The following AGL variants were observed in gnomAD, a reference collection of about 807,000 sequenced individuals.
The protein encoded by AGL is glycogen debranching enzyme.
Under a neutral mutation model 199.3 loss-of-function variants are expected in AGL, and 128 were observed. The observed-to-expected ratio is 0.64, with a 90% CI of 0.56 to 0.74. The LOEUF is 0.74. AGL is among the 30% of genes least tolerant of loss of function. The pLI is 0.00. For missense variants in AGL, 1,809 were observed against 1,820.8 expected, an observed-to-expected ratio of 0.99 and a Z score of 0.12; for synonymous variants, 584 against 594.7, an observed-to-expected ratio of 0.98 and a Z score of 0.26.
intron 2 of AGL, among the ~76,000 whole-genome samples, chr1:99,857,155 G>GC (rs1649564518): frequency 6.6e-6 from 1 of 151,152 alleles, no homozygotes; most frequent in Non-Finnish European, 1.5e-5. Flanking sequence ...GGGCAGAGGC[G>GC]CCCCTCACCT....
chr1:99,861,685 G>T lies in AGL; in HGVS notation c.265G>T (p.Gly89Cys), dbSNP rs778448781. ...CTGTAAACTTAATCTGCAACAATCT[G>T]GTTCATTTCAGTATTATTTCCTTCA... ...KYCKLNLQQS[G>C]SFQYYFLQGN... Residue 89 changes from glycine to cysteine, a missense_variant, in exon 3 of 34, where the codon GGT (glycine) becomes TGT (cysteine). Coordinates refer to ENST00000361915, the MANE Select transcript of AGL (RefSeq NM_000642.3). The T allele has an allele frequency of 2.5e-6, 4 of 1,613,540 alleles. No individual in the cohort carries two copies. In the South Asian group the frequency reaches 3.3e-5, roughly 13 times the overall value.
chr1:99,882,959 A>G (rs747764233), intron 17 of AGL, among the ~76,000 whole-genome samples: 1 of 152,170 alleles, frequency 6.6e-6, no homozygotes, highest in Non-Finnish European at 1.5e-5. Flanking sequence ...CTTTGCTAAT[A>G]TACGTATTCA....
At chr1:99,850,785 A>G (rs933996683) in intron 1 of AGL, 190 bp from the exon 2 acceptor site, 1 of 482,328 alleles carries the variant, frequency 2.1e-6, no homozygotes, top group African/African-American at 1.9e-5. Context: ...TTTCGGTCTT[A>G]TTCGTTGTGC....
Position 99,876,602 on chromosome 1 carries a change from G to A in AGL, c.1423+5G>A, listed in dbSNP as rs780713150. 6 of 1,613,830 alleles carry A rather than the reference G, an allele frequency of 3.7e-6. No individual in the cohort carries two copies. The highest frequency in any genetic ancestry group is 1.3e-5 in the African/African-American group (1 of 74,906). On this transcript the variant is annotated splice_donor_5th_base_variant and intron_variant, in intron 11 of 33. Transcript: ENST00000361915. ...TTCGAAACTTTGCTGAACCGGGTATGTAATTTTTAACTTCTCTGTGGATGG... is the reference window on the plus strand; with the variant it reads ...TTCGAAACTTTGCTGAACCGGGTATATAATTTTTAACTTCTCTGTGGATGG...
intron 33 of AGL, 105 bp from the exon 34 acceptor site, chr1:99,921,429 C>A: frequency 1.3e-6 from 1 of 782,902 alleles, no homozygotes; most frequent in Non-Finnish European, 2.3e-6. Flanking sequence ...CAAATGACTA[C>A]ATATGATTAT....
chr1:99,891,183 A>G (rs1652863025), intron 21 of AGL, 37 bp from the exon 22 acceptor site: 1 of 1,612,658 alleles, frequency 6.2e-7, no homozygotes, highest in South Asian at 1.1e-5. Context: ...AATTGATGCT[A>G]CCAATAATAC....
chr1:99,851,875 A>G (rs1648976353), intron 2 of AGL, among the ~76,000 whole-genome samples: 1 of 151,416 alleles, frequency 6.6e-6, no homozygotes, highest in African/African-American at 2.4e-5. Context: ...AAATTTCGCT[A>G]ATGTTTTAAG....
At chr1:99,882,143 AAAAAAAAAAAAAG>A (rs1419116557) in intron 17 of AGL, among the ~76,000 whole-genome samples, 4 of 36,502 alleles carry the variant, frequency 1.1e-4, no homozygotes, top group East Asian at 1.8e-3. Flanking sequence ...TCTCAAAAAA[AAAAAAAAAAAAAG>A]AAAGAAATTT....
In AGL at chr1:99,888,187, A is replaced by G. The variant is rs1010835351; in HGVS notation, c.2812+79A>G. ...GTGTCTTCTTTACAGACATAGATAT[A>G]GGCTCAGAGTATGCCTACTTGGGTT... On this transcript the variant is annotated intron_variant, in intron 21 of 33. Transcript: ENST00000361915. The G allele has an allele frequency of 1.3e-5, 21 of 1,575,638 alleles. No individual in the cohort carries two copies. The Middle Eastern group carries it at 5.0e-4, about 38-fold the overall frequency.
At position 99,876,443 on chromosome 1, in the gene AGL, A is replaced by AT; in HGVS notation, c.1284-13dup. 1 of 1,531,758 alleles carries AT rather than the reference A, an allele frequency of 6.5e-7. No individual in the cohort carries two copies. Among genetic ancestry groups the AT allele is most frequent in the Non-Finnish European group, 8.9e-7 (1 of 1,120,122 alleles). 94.9% of individuals were successfully genotyped at this position (1,531,758 alleles called of 1,614,324 possible). ...TTTCTTTGTATGGATTTAATATTTAATTATATTTTCATAGGTATTTTACTT... is the reference window on the plus strand; with the variant it reads ...TTTCTTTGTATGGATTTAATATTTAATTTATATTTTCATAGGTATTTTACTT... On this transcript the variant is annotated splice_polypyrimidine_tract_variant and intron_variant, in intron 10 of 33. Transcript: ENST00000361915.
At chr1:99,897,162 T>C (rs1021380033) in intron 25 of AGL, among the ~76,000 whole-genome samples, 7 of 152,116 alleles carry the variant, frequency 4.6e-5, no homozygotes, top group Admixed American at 2.6e-4. Flanking sequence ...ATGAACTTAT[T>C]GGAGGTCGAA....
chr1:99,875,015 C>T, intron 8 of AGL, 139 bp from the exon 9 acceptor site: 2 of 1,029,838 alleles, frequency 1.9e-6, no homozygotes, highest in Non-Finnish European at 2.9e-6. Flanking sequence ...AACATTTTTA[C>T]AATTGGAAAA....
Position 99,874,510 on chromosome 1 carries a change from CGTGCACACACGTGCACACAG to C in AGL, c.959-176_959-157del, listed in dbSNP as rs754066910. 1.2e-3 allele frequency: 770 copies of C among 623,600 alleles called. 2 individuals carry two copies. The highest frequency in any genetic ancestry group is 1.8e-3 in the Non-Finnish European group (638 of 361,854). 38.6% of individuals were successfully genotyped at this position (623,600 alleles called of 1,614,324 possible). On this transcript the variant is annotated intron_variant, in intron 7 of 33. Coordinates refer to ENST00000361915, the MANE Select transcript of AGL (RefSeq NM_000642.3). ...TCGTGTGTGTTTGCGCGTGCACGCA[CGTGCACACACGTGCACACAG>C]CAGGATGAGAAGGGGAGGAGGTAGG...
intron 27 of AGL, among the ~76,000 whole-genome samples, chr1:99,904,063 T>C (rs1001492570): frequency 6.6e-6 from 1 of 152,218 alleles, no homozygotes; most frequent in African/African-American, 2.4e-5. Context: ...AGGTAGACTT[T>C]ACTCATGGTC....
At chr1:99,856,476 T>G (rs1557741846) in intron 2 of AGL, among the ~76,000 whole-genome samples, 2 of 151,548 alleles carry the variant, frequency 1.3e-5, no homozygotes, top group African/African-American at 4.9e-5. Context: ...TGATCATTCT[T>G]GGGTGTTTCT....
At chr1:99,917,393 G>A (rs1393929751) in intron 33 of AGL, among the ~76,000 whole-genome samples, 3 of 152,132 alleles carry the variant, frequency 2.0e-5, no homozygotes, top group Non-Finnish European at 4.4e-5. Context: ...CTCCTGGTCT[G>A]TTTTGTTTGG....
intron 13 of AGL, 149 bp from the exon 14 acceptor site, chr1:99,880,483 A>T: frequency 1.1e-6 from 1 of 944,394 alleles, no homozygotes; most frequent in Non-Finnish European, 1.6e-6. Flanking sequence ...CACTTAAACT[A>T]GTAGACATTT....
chr1:99,861,436 A>G, intron 2 of AGL, 67 bp from the exon 3 acceptor site: 2 of 1,605,678 alleles, frequency 1.2e-6, no homozygotes, highest in Non-Finnish European at 1.7e-6. Context: ...TTTAAATAAA[A>G]CATCTGTTTT....
chr1:99,866,800 T>TTTTCTTTC (rs58319897), intron 5 of AGL, among the ~76,000 whole-genome samples: 10 of 151,136 alleles, frequency 6.6e-5, no homozygotes, highest in South Asian at 4.2e-4. Context: ...ACAAGTTTTC[T>TTTTCTTTC]TTTATTTATT....
Sources: gnomAD v4.1 joint callset for allele counts (sites outside exome capture counted in the v4.1 genomes callset) on GRCh38, gnomAD v4.1.1 for gene constraint, MANE v1.5 for transcripts, NCBI Gene and HGNC (gene_info 2026-07-23, HGNC 2026-07-21) for gene names.